CMKLR2: variants seen among roughly 807,000 people sequenced by gnomAD.
The protein encoded by CMKLR2 is chemerin chemokine-like receptor 2.
In CMKLR2, 18 loss-of-function variants were observed where a neutral mutation model predicts 23.0. The ratio of observed to expected loss-of-function variants is 0.78; its 90% CI spans 0.54 to 1.16. CMKLR2 has a LOEUF of 1.16. Among genes scored for constraint, CMKLR2 ranks in the 50% most tolerant of loss-of-function variants. The pLI is 0.00. For synonymous variants in CMKLR2, 158 were observed against 158.9 expected (o/e 0.99, Z 0.05); for missense variants, 401 against 412.7 (o/e 0.97, Z 0.25).
chr2:206,176,107 A>G lies in CMKLR2; in HGVS notation c.*73T>C, dbSNP rs139545079. 3.2e-5 allele frequency: 36 copies of G among 1,124,656 alleles called. No homozygotes were observed. The highest frequency in any genetic ancestry group is 4.2e-5 in the Non-Finnish European group (33 of 790,768). 69.7% of individuals were successfully genotyped at this position (1,124,656 alleles called of 1,614,324 possible). ...GGAGTCGGCTCTCTATCTTGGAAAC[A>G]ATTTTAATCTGAAAGCATCAGTCAG... On this transcript the variant is annotated 3_prime_UTR_variant, in exon 2 of 2. Coordinates refer to ENST00000621141, the MANE Select transcript of CMKLR2 (RefSeq NM_001389445.1).
At chr2:206,215,314 C>CTA (rs1689720136), upstream of CMKLR2, among the ~76,000 whole-genome samples, 1 of 152,156 alleles carries the variant, frequency 6.6e-6, no homozygotes, top group Non-Finnish European at 1.5e-5. Flanking sequence ...TTACTATAGT[C>CTA]TATACTATGT....
rs759221878 is a variant in CMKLR2, at chr2:206,177,135, T to C, written c.113A>G (p.His38Arg). The change falls in exon 2 of 2, where the codon CAC becomes CGC. Residue 38 changes from histidine to arginine, a missense_variant. Coordinates refer to ENST00000621141, the MANE Select transcript of CMKLR2 (RefSeq NM_001389445.1). ...ACAATATAACACCAGGGAGACCCAG[T>C]GAACAACTCCCAGCTGGACTTTCTC... ...LEEKVQLGVV[H>R]WVSLVLYCLA... 6.2e-7 allele frequency: 1 copy of C among 1,614,036 alleles called. No homozygotes were observed. Among genetic ancestry groups the C allele is most frequent in the Non-Finnish European group, 8.5e-7 (1 of 1,179,882 alleles).
upstream of CMKLR2, among the ~76,000 whole-genome samples, chr2:206,215,363 C>T (rs1000548888): frequency 6.6e-6 from 1 of 152,104 alleles, no homozygotes; most frequent in South Asian, 2.1e-4. Context: ...CTGTAAAAGC[C>T]ATTATTGAGG....
intron 1 of CMKLR2, among the ~76,000 whole-genome samples, chr2:206,197,187 C>T (rs1221934712): frequency 3.9e-5 from 6 of 151,908 alleles, no homozygotes; most frequent in Non-Finnish European, 7.4e-5. Flanking sequence ...GGATTACAGG[C>T]GTGAGCCACT....
chr2:206,211,687 C>T (rs1014864697), intron 1 of CMKLR2, among the ~76,000 whole-genome samples: 12 of 151,416 alleles, frequency 7.9e-5, no homozygotes, highest in Admixed American at 3.3e-4. Flanking sequence ...CGTAAGTGCC[C>T]TTCTCTTCCA....
chr2:206,185,519 A>G (rs1688551668), intron 1 of CMKLR2, among the ~76,000 whole-genome samples: 1 of 152,222 alleles, frequency 6.6e-6, no homozygotes, highest in African/African-American at 2.4e-5. Flanking sequence ...AAATTCAACA[A>G]GAATGTAGGA....
intron 1 of CMKLR2, among the ~76,000 whole-genome samples, chr2:206,207,754 T>TTTTTTTTTG (rs1689388826): frequency 9.4e-6 from 1 of 106,442 alleles, no homozygotes; most frequent in Non-Finnish European, 2.1e-5. Context: ...TTTTTTTTTT[T>TTTTTTTTTG]TTTTTGAGAT....
chr2:206,190,763 T>C (rs1342896683), intron 1 of CMKLR2, among the ~76,000 whole-genome samples: 2 of 152,216 alleles, frequency 1.3e-5, no homozygotes, highest in Non-Finnish European at 2.9e-5. Context: ...CAAATGGAAA[T>C]TAATGATACC....
At chr2:206,209,839 G>C (rs567199381) in intron 1 of CMKLR2, among the ~76,000 whole-genome samples, 1 of 151,456 alleles carries the variant, frequency 6.6e-6, no homozygotes, top group African/African-American at 2.4e-5. Context: ...TAGTAGAGAC[G>C]GAGTTTCACT....
intron 1 of CMKLR2, among the ~76,000 whole-genome samples, chr2:206,211,004 G>A (rs1689541052): frequency 3.3e-5 from 5 of 151,846 alleles, no homozygotes; most frequent in Admixed American, 3.3e-4. Context: ...TCATGCCTAG[G>A]GACAATTTGG....
chr2:206,178,821 G>A (rs1576032643), intron 1 of CMKLR2, among the ~76,000 whole-genome samples: 1 of 151,824 alleles, frequency 6.6e-6, no homozygotes, highest in South Asian at 2.1e-4. Flanking sequence ...GCTAATTTTT[G>A]TATTTTTAGT....
chr2:206,208,186 G>A lies in CMKLR2; in HGVS notation c.-29+5121C>T, dbSNP rs1479824999. Among the ~76,000 whole-genome samples the A allele has an allele frequency of 2.6e-5, 4 of 152,186 alleles. No individual in the cohort carries two copies. The East Asian group carries it at 7.7e-4, about 29-fold the overall frequency. On this transcript the variant is annotated intron_variant, in intron 1 of 1. Coordinates refer to ENST00000621141, the MANE Select transcript of CMKLR2 (RefSeq NM_001389445.1). ...ATCTCAGCAAGGAGCAGAGTGCTCA[G>A]TAGGTGCTCAATGAATGTCTCGTGA... is the stretch of plus-strand genomic sequence containing the variant.
intron 1 of CMKLR2, among the ~76,000 whole-genome samples, chr2:206,180,115 T>A (rs1004191817): frequency 2.0e-5 from 3 of 151,926 alleles, no homozygotes; most frequent in African/African-American, 7.2e-5. Context: ...TTATAATAAT[T>A]ATTATTGTTA....
At chr2:206,212,060 C>T (rs1438252882) in intron 1 of CMKLR2, among the ~76,000 whole-genome samples, 1 of 152,074 alleles carries the variant, frequency 6.6e-6, no homozygotes, top group East Asian at 1.9e-4. Flanking sequence ...TTTTTTCTCC[C>T]TGACACATCT....
upstream of CMKLR2, among the ~76,000 whole-genome samples, chr2:206,215,362 C>T (rs1004355681): frequency 6.6e-6 from 1 of 152,122 alleles, no homozygotes; most frequent in Non-Finnish European, 1.5e-5. Context: ...TCTGTAAAAG[C>T]CATTATTGAG....
intron 1 of CMKLR2, among the ~76,000 whole-genome samples, chr2:206,188,037 G>A (rs1473786861): frequency 6.6e-6 from 1 of 152,100 alleles, no homozygotes; most frequent in East Asian, 1.9e-4. Flanking sequence ...AAAATCAAGT[G>A]CTCTTTGTGC....
chr2:206,187,548 A>G (rs943887979), intron 1 of CMKLR2, among the ~76,000 whole-genome samples: 5 of 152,230 alleles, frequency 3.3e-5, no homozygotes, highest in African/African-American at 1.2e-4. Context: ...ACTTAAATTT[A>G]AGGGCCTATA....
chr2:206,211,395 G>C (rs1471926261), intron 1 of CMKLR2, among the ~76,000 whole-genome samples: 6 of 152,134 alleles, frequency 3.9e-5, no homozygotes, highest in Admixed American at 3.9e-4. Flanking sequence ...CACGATCTTA[G>C]CTCACCGCAG....
At chr2:206,186,952 C>A (rs545468654) in intron 1 of CMKLR2, among the ~76,000 whole-genome samples, 3 of 152,188 alleles carry the variant, frequency 2.0e-5, no homozygotes, top group Non-Finnish European at 2.9e-5. Flanking sequence ...CTTTTGGAGG[C>A]TGAGGCGAGG....
Sources: gnomAD v4.1 joint callset for allele counts (sites outside exome capture counted in the v4.1 genomes callset) on GRCh38, gnomAD v4.1.1 for gene constraint, MANE v1.5 for transcripts, NCBI Gene and HGNC (gene_info 2026-07-23, HGNC 2026-07-21) for gene names.